MYO7B: variants seen among roughly 807,000 people sequenced by gnomAD.
The protein encoded by MYO7B is myosin VIIB, also known as unconventional myosin-VIIb.
In MYO7B, 212 loss-of-function variants were observed where a neutral mutation model predicts 259.7. The ratio of observed to expected loss-of-function variants is 0.82; its 90% CI spans 0.73 to 0.91. The LOEUF is 0.91. MYO7B is among the 40% of genes least tolerant of loss of function. The probability of loss-of-function intolerance (pLI) is 0.00; values close to 1 mark genes in which losing one functional copy is unlikely to be tolerated. For synonymous variants in MYO7B, 1,197 were observed against 1,166.4 expected (o/e 1.03, Z -0.54); for missense variants, 2,732 against 2,813.5 (o/e 0.97, Z 0.66).
At chr2:127,595,841 G>A (rs2104987886) in intron 18 of MYO7B, among the ~76,000 whole-genome samples, 1 of 152,204 alleles carries the variant, frequency 6.6e-6, no homozygotes, top group Admixed American at 6.5e-5. Flanking sequence ...AGACTGTTAT[G>A]TTTTCCGTTC....
chr2:127,596,628 C>T (rs1679780360), intron 19 of MYO7B, 72 bp downstream of exon 19: 1 of 1,284,338 alleles, frequency 7.8e-7, no homozygotes, highest in African/African-American at 1.5e-5. Flanking sequence ...CTGCAGCCCA[C>T]AAACCAGGAT....
At position 127,626,898 on chromosome 2, in the gene MYO7B, C is replaced by CTT. The variant is rs527667012; in HGVS notation, c.4216-74_4216-73dup. ...GCCTTCTCAGAAGGATCCATCAACT[C>CTT]TTTTACCCTGAGCACTAGGTGAGGG... is the stretch of plus-strand genomic sequence containing the variant. On this transcript the variant is annotated intron_variant, in intron 31 of 47. Coordinates refer to ENST00000409816, the MANE Select transcript of MYO7B (RefSeq NM_001393586.1). The CTT allele has an allele frequency of 8.5e-4, 1,151 of 1,349,034 alleles. 19 individuals carry two copies. In the South Asian group the frequency reaches 0.012, roughly 15 times the overall value. 83.6% of individuals were successfully genotyped at this position (1,349,034 alleles called of 1,614,324 possible). A position where few individuals can be genotyped will look rare whatever the true frequency, so the allele number is the denominator to read the frequency against.
At chr2:127,572,924 T>C (rs1346888889) in intron 6 of MYO7B, among the ~76,000 whole-genome samples, 1 of 145,700 alleles carries the variant, frequency 6.9e-6, no homozygotes, top group Admixed American at 6.7e-5. Flanking sequence ...GATCAGCCTG[T>C]CAGTTAGTAC....
intron 26 of MYO7B, among the ~76,000 whole-genome samples, chr2:127,617,486 G>GTT (rs1558838488): frequency 1.9e-5 from 2 of 107,834 alleles, no homozygotes; most frequent in African/African-American, 4.9e-5. Context: ...CTTGTAACGG[G>GTT]GTTTTTTTTT....
At chr2:127,567,925 G>A (rs1247973025) in intron 5 of MYO7B, among the ~76,000 whole-genome samples, 2 of 152,180 alleles carry the variant, frequency 1.3e-5, no homozygotes, top group Non-Finnish European at 2.9e-5. Context: ...TAGGGGGCAG[G>A]CCAGGCACGG....
Position 127,607,127 on chromosome 2 carries a change from G to A in MYO7B, c.2425-79G>A. ...ACTAACTGTAAATCTATCTTGCACT[G>A]CCTCCTGGGGAGCACCCCTCTCTGT... On this transcript the variant is annotated intron_variant, in intron 20 of 47. Transcript: ENST00000409816. This position sits in a 1 kb window ranked among gnomAD's most constrained non-coding sequence, Gnocchi z 4.4. The A allele has an allele frequency of 7.5e-7, 1 of 1,340,372 alleles. No homozygotes were observed. The highest frequency in any genetic ancestry group is 1.4e-5 in the South Asian group (1 of 69,320). The allele number at this position is 1,340,372 out of a possible 1,614,324, so 83.0% of individuals were successfully genotyped here. A position where few individuals can be genotyped will look rare whatever the true frequency, so the allele number is the denominator to read the frequency against.
Position 127,612,546 on chromosome 2 carries a change from C to T in MYO7B, c.3341C>T (p.Ser1114Phe), listed in dbSNP as rs779900949. The T allele has an allele frequency of 1.3e-6, 2 of 1,597,912 alleles. No homozygotes were observed. Among genetic ancestry groups the T allele is most frequent in the Non-Finnish European group, 1.7e-6 (2 of 1,172,494 alleles). ...GGCCTTGGTGCAGACCGGCCCATGT[C>T]CAACCTGGAGAAGGTGCACTTCATC... The part of the protein sequence containing the change: ...PDGLGADRPM[S>F]NLEKVHFIVG... Residue 1114 changes from serine (S) to phenylalanine (F), a missense_variant, in exon 26 of 48, where the codon TCC becomes TTC. Around this residue, in one of 3 missense-constraint regions of MYO7B, gnomAD observed 1,906 missense variants for 2,026.4 expected, o/e 0.94. Coordinates refer to ENST00000409816, the MANE Select transcript of MYO7B (RefSeq NM_001393586.1).
At position 127,576,492 on chromosome 2, in the gene MYO7B, TGGA is replaced by T. The variant is rs1457826442; in HGVS notation, c.736-101_736-99del. The T allele has an allele frequency of 1.5e-6, 1 of 645,490 alleles. No individual in the cohort carries two copies. The highest frequency in any genetic ancestry group is 2.5e-6 in the Non-Finnish European group (1 of 396,164). The allele number at this position is 645,490 out of a possible 1,614,324, so 40.0% of individuals were successfully genotyped here. A position where few individuals can be genotyped will look rare whatever the true frequency, so the allele number is the denominator to read the frequency against. ...CAGAGCTGCTCCTGGCTGAGAGATG[TGGA>T]GCGGAGGCCAGGGCTGGGCTGGGCA... On this transcript the variant is annotated intron_variant, in intron 7 of 47. Transcript: ENST00000409816. This position sits in a 1 kb window ranked among gnomAD's most constrained non-coding sequence, Gnocchi z 4.9.
Position 127,605,733 on chromosome 2 carries a change from T to C in MYO7B, c.2340-111T>C, listed in dbSNP as rs376173698. The C allele has an allele frequency of 2.8e-5, 25 of 897,546 alleles. No homozygotes were observed. The East Asian group carries it at 5.6e-4, about 20-fold the overall frequency. The allele number at this position is 897,546 out of a possible 1,614,324, so 55.6% of individuals were successfully genotyped here. On this transcript the variant is annotated intron_variant, in intron 19 of 47. Coordinates refer to ENST00000409816, the MANE Select transcript of MYO7B (RefSeq NM_001393586.1). ...TCTGAGAAAGGATTGTACGTATTCA[T>C]TTTTCCCAATATTTCACTAACCCTG...
At chr2:127,593,375 T>A (rs186773080) in intron 17 of MYO7B, among the ~76,000 whole-genome samples, 171 bp from the exon 18 acceptor site, 1,667 of 151,812 alleles carry the variant, frequency 0.011, 34 homozygotes, top group African/African-American at 0.038. Context: ...CCGAGTTCCC[T>A]CCTCACCCCA....
At position 127,632,268 on chromosome 2, in the gene MYO7B, C is replaced by T. The variant is rs1050689193; in HGVS notation, c.5272C>T (p.Gln1758Ter). ...CAGGCACAGCGAAGAGCGGGGCTGG[C>T]AGCTGCTGTGGCTGTGCACGGGCCT... ...SNRHSEERGWQLLWLCTGLFP... is the reference protein window; with the variant it reads ...SNRHSEERGW The change falls in exon 39 of 48, where the codon CAG (glutamine) becomes TAG (stop). Residue 1758 changes from glutamine (Q) to a stop codon, truncating the protein, a stop_gained. Transcript: ENST00000409816. LOFTEE classifies it high-confidence loss of function. 11 of 1,611,852 alleles carry T rather than the reference C, an allele frequency of 6.8e-6. No homozygotes were observed. Among genetic ancestry groups the T allele is most frequent in the Non-Finnish European group, 9.3e-6 (11 of 1,179,582 alleles).
intron 19 of MYO7B, among the ~76,000 whole-genome samples, chr2:127,602,267 A>G (rs576505806): frequency 6.6e-6 from 1 of 152,366 alleles, no homozygotes; most frequent in African/African-American, 2.4e-5. Context: ...AGTGAAGTAT[A>G]GAAACTCTAC....
intron 1 of MYO7B, among the ~76,000 whole-genome samples, chr2:127,551,785 T>C (rs1164114298): frequency 1.3e-5 from 2 of 152,284 alleles, no homozygotes; most frequent in South Asian, 2.1e-4. Context: ...CTGAGTGTTG[T>C]TTCTCTCTTG....
rs747813988 is a variant in MYO7B, at chr2:127,631,688, G to A, written c.5184G>A (p.Gln1728=). 1.9e-6 allele frequency: 3 copies of A among 1,612,956 alleles called. No individual in the cohort carries two copies. In the African/African-American group the frequency reaches 4.0e-5, roughly 22 times the overall value. Reference sequence around the variant, plus strand: ...ACCAGATCTTCACACTGGCCCTGCAGCACCCGGCCCTCCAGGACGAGGTCT... The same window carrying A: ...ACCAGATCTTCACACTGGCCCTGCAACACCCGGCCCTCCAGGACGAGGTCT... ...LTDQIFTLAL[Q]HPALQDEVYC... is the part of the protein sequence containing the mutation. Residue 1728 remains glutamine (Q), a synonymous_variant, in exon 38 of 48, where the codon CAG becomes CAA. Transcript: ENST00000409816.
intron 1 of MYO7B, among the ~76,000 whole-genome samples, chr2:127,558,875 CT>C (rs1677946726): frequency 6.6e-6 from 1 of 152,072 alleles, no homozygotes; most frequent in Admixed American, 6.5e-5. Flanking sequence ...ATACAATGGA[CT>C]TTGGGGACTC....
intron 1 of MYO7B, among the ~76,000 whole-genome samples, chr2:127,547,618 C>T (rs566395944): frequency 7.3e-4 from 111 of 152,196 alleles, no homozygotes; most frequent in Non-Finnish European, 1.2e-3. Context: ...AGGCATGACA[C>T]GGTCAACTTT....
In MYO7B at chr2:127,612,470, T is replaced by C; in HGVS notation, c.3271-6T>C. The C allele has an allele frequency of 6.4e-7, 1 of 1,552,440 alleles. No individual in the cohort carries two copies. The highest frequency in any genetic ancestry group is 8.7e-7 in the Non-Finnish European group (1 of 1,147,452). On this transcript the variant is annotated splice_polypyrimidine_tract_variant and splice_region_variant and intron_variant, in intron 25 of 47. Transcript: ENST00000409816. ...GCTGTCCTGATGGCTGCCTTTGGGT[T>C]TCAAGGTGGCCAGCCAGCTGAACAT...
chr2:127,571,102 A>G (rs1382456674), intron 6 of MYO7B, among the ~76,000 whole-genome samples: 2 of 152,208 alleles, frequency 1.3e-5, no homozygotes, highest in Non-Finnish European at 2.9e-5. Context: ...AATATGCAAG[A>G]GTGAAATTGT....
In MYO7B at chr2:127,607,858, G is replaced by A. The variant is rs944783699; in HGVS notation, c.2643+434G>A. 1.5e-4 allele frequency among the ~76,000 whole-genome samples: 23 copies of A among 152,190 alleles called. No individual in the cohort carries two copies. The highest frequency in any genetic ancestry group is 2.8e-4 in the Non-Finnish European group (19 of 68,026). ...CACCTTGGAGATGATTTCTGGGGCA[G>A]GGATGGTTGGTCCCCTGGAAGGTGC... On this transcript the variant is annotated intron_variant, in intron 21 of 47. Coordinates refer to ENST00000409816, the MANE Select transcript of MYO7B (RefSeq NM_001393586.1). The surrounding 1 kb of genome is among the most constrained non-coding windows in gnomAD (Gnocchi z 4.4).
Sources: gnomAD v4.1 joint callset for allele counts (sites outside exome capture counted in the v4.1 genomes callset) on GRCh38, gnomAD v4.1.1 for gene constraint, gnomAD v4.1.1 regional missense constraint, Gnocchi (gnomAD v3.1) non-coding constraint, MANE v1.5 for transcripts, NCBI Gene and HGNC (gene_info 2026-07-23, HGNC 2026-07-21) for gene names.